ZNF251: variants seen among roughly 807,000 people sequenced by gnomAD.
The protein encoded by ZNF251 is zinc finger protein 251.
A neutral mutation model predicts 13.5 loss-of-function variants in ZNF251; 14 were observed. The observed-to-expected ratio is 1.04, with a 90% CI of 0.69 to 1.63. The LOEUF (loss-of-function observed/expected upper bound fraction) is 1.63. ZNF251 is among the 40% of genes most tolerant of loss of function. ZNF251 has a pLI of 0.00. For missense variants in ZNF251, 764 were observed against 834.9 expected (o/e 0.92, Z 1.05); for synonymous variants, 287 against 295.2 (o/e 0.97, Z 0.28).
intron 4 of ZNF251, among the ~76,000 whole-genome samples, chr8:144,737,105 A>G (rs1359047670): frequency 6.8e-6 from 1 of 148,072 alleles, no homozygotes; most frequent in East Asian, 2.0e-4. Flanking sequence ...CACCCGGCCT[A>G]TTTTATTTTG....
rs1823399701 is a variant in ZNF251 at position 144,722,446 on chromosome 8, T to C, written c.1214A>G (p.Tyr405Cys). 6.2e-7 allele frequency: 1 copy of C among 1,613,978 alleles called. No individual in the cohort carries two copies. Among genetic ancestry groups the C allele is most frequent in the Non-Finnish European group, 8.5e-7 (1 of 1,179,940 alleles). ...GGCTCTGCCGCATTCATTACATACA[T>C]AGGGTTTCTCTCCAGTATGAACCCG... is the stretch of plus-strand genomic sequence containing the variant. ...HHRVHTGEKP[Y>C]VCNECGRAFG... is the part of the protein sequence containing the mutation. Residue 405 changes from tyrosine to cysteine, a missense_variant, in exon 5 of 5, where the codon TAT (tyrosine) becomes TGT (cysteine). By Grantham distance (194) the Tyr-to-Cys change is radical (BLOSUM62 -2). Coordinates refer to ENST00000292562, the MANE Select transcript of ZNF251 (RefSeq NM_138367.2). This position sits in a 1 kb window ranked among gnomAD's most constrained non-coding sequence, Gnocchi z 4.8.
intron 3 of ZNF251, 94 bp downstream of exon 3, chr8:144,754,098 G>A: frequency 6.7e-7 from 1 of 1,498,870 alleles, no homozygotes; most frequent in Non-Finnish European, 9.0e-7. Context: ...ACAAGGGGCA[G>A]GACCCTCTTC....
At chr8:144,752,548 G>C (rs1351861257) in intron 4 of ZNF251, among the ~76,000 whole-genome samples, 2 of 152,168 alleles carry the variant, frequency 1.3e-5, no homozygotes, top group Non-Finnish European at 2.9e-5. Flanking sequence ...GCTGCACTTT[G>C]AGAAAACGAT....
At chr8:144,753,618 G>C (rs765703478) in intron 4 of ZNF251, 65 bp downstream of exon 4, 4 of 1,352,718 alleles carry the variant, frequency 3.0e-6, no homozygotes, top group Non-Finnish European at 4.1e-6. Flanking sequence ...GCTGTCCCTC[G>C]CTTGGAGCCT....
At chr8:144,733,443 A>G (rs769606974) in intron 4 of ZNF251, among the ~76,000 whole-genome samples, 1 of 152,200 alleles carries the variant, frequency 6.6e-6, no homozygotes, top group Non-Finnish European at 1.5e-5. Flanking sequence ...CTTTGACATG[A>G]GCTCCGGCTG....
intron 4 of ZNF251, among the ~76,000 whole-genome samples, chr8:144,724,162 T>C (rs1290946991): frequency 1.4e-5 from 2 of 145,666 alleles, no homozygotes; most frequent in South Asian, 2.1e-4. Flanking sequence ...GAGAATGGCG[T>C]GAACCCAGGA....
intron 1 of ZNF251, 83 bp from the exon 2 acceptor site, chr8:144,754,886 G>T: frequency 6.9e-7 from 1 of 1,456,878 alleles, no homozygotes. Flanking sequence ...GATTGCTGCT[G>T]TGGCCTCCTG....
chr8:144,730,940 G>A (rs112674035), intron 4 of ZNF251, among the ~76,000 whole-genome samples: 4,550 of 152,302 alleles, frequency 0.03, 213 homozygotes, highest in African/African-American at 0.1. Context: ...GACGGTCGTG[G>A]GAACCGCCCC....
chr8:144,752,244 C>G (rs1824734164), intron 4 of ZNF251, among the ~76,000 whole-genome samples: 1 of 151,506 alleles, frequency 6.6e-6, no homozygotes, highest in African/African-American at 2.4e-5. Flanking sequence ...GCAGAATACA[C>G]ATTCTTTTTC....
In ZNF251 at chr8:144,732,673, G is replaced by A. The variant is rs558226896; in HGVS notation, c.278-9291C>T. On this transcript the variant is annotated intron_variant, in intron 4 of 4. Transcript: ENST00000292562. Reference sequence around the variant, plus strand: ...TAAAAATACAAAAAATTAGCTGGGTGTGGTGGCAGGCACTTATAGTCCCAG... The same window carrying A: ...TAAAAATACAAAAAATTAGCTGGGTATGGTGGCAGGCACTTATAGTCCCAG... 1.2e-3 allele frequency among the ~76,000 whole-genome samples: 190 copies of A among 152,202 alleles called. 3 individuals carry two copies. Among genetic ancestry groups the A allele is most frequent in the Admixed American group, 9.2e-4 (14 of 15,280 alleles).
At chr8:144,733,891 A>G (rs1465671436) in intron 4 of ZNF251, among the ~76,000 whole-genome samples, 2 of 152,244 alleles carry the variant, frequency 1.3e-5, no homozygotes, top group African/African-American at 2.4e-5. Context: ...GAGGGAGCGC[A>G]CCCATGCTTA....
At chr8:144,737,876 AC>A (rs1364703109) in intron 4 of ZNF251, among the ~76,000 whole-genome samples, 1 of 145,548 alleles carries the variant, frequency 6.9e-6, no homozygotes, top group Non-Finnish European at 1.5e-5. Context: ...TTATGCTATC[AC>A]CCCACATAAA....
chr8:144,726,613 G>A (rs1313776658), intron 4 of ZNF251, among the ~76,000 whole-genome samples: 1 of 152,136 alleles, frequency 6.6e-6, no homozygotes, highest in Non-Finnish European at 1.5e-5. Context: ...GCTCACGCCT[G>A]TAATCCCAGC....
intron 4 of ZNF251, among the ~76,000 whole-genome samples, chr8:144,743,635 TC>T (rs2130034556): frequency 6.6e-6 from 1 of 152,330 alleles, no homozygotes; most frequent in Non-Finnish European, 1.5e-5. Context: ...TGTAAGACTG[TC>T]GAACTGTCTT....
intron 4 of ZNF251, among the ~76,000 whole-genome samples, chr8:144,726,515 G>T (rs1823521382): frequency 6.6e-6 from 1 of 151,102 alleles, no homozygotes; most frequent in Non-Finnish European, 1.5e-5. Context: ...CAGCCTGGGT[G>T]ACAGAGTGAG....
chr8:144,754,526 C>T (rs886988921), intron 2 of ZNF251, 170 bp downstream of exon 2: 13 of 1,449,720 alleles, frequency 9.0e-6, no homozygotes, highest in Non-Finnish European at 1.2e-5. Flanking sequence ...AGCTCAGAGC[C>T]CCTCTCCCTG....
intron 4 of ZNF251, among the ~76,000 whole-genome samples, chr8:144,743,132 G>T (rs2730064): frequency 3.3e-5 from 5 of 152,236 alleles, no homozygotes; most frequent in South Asian, 2.1e-4. Flanking sequence ...GGCACCATCT[G>T]GGCTCACTGC....
At chr8:144,753,050 A>G (rs1261746588) in intron 4 of ZNF251, among the ~76,000 whole-genome samples, 1 of 152,026 alleles carries the variant, frequency 6.6e-6, no homozygotes, top group East Asian at 1.9e-4. Flanking sequence ...GTCGACATGG[A>G]TCACTTGATC....
intron 4 of ZNF251, among the ~76,000 whole-genome samples, chr8:144,731,713 A>T (rs1057284472): frequency 6.6e-6 from 1 of 151,990 alleles, no homozygotes; most frequent in African/African-American, 2.4e-5. Flanking sequence ...CAGCCTCCTG[A>T]GGAGCTGGGA....
Sources: allele counts gnomAD v4.1 joint callset (sites outside exome capture counted in the v4.1 genomes callset), GRCh38; gene constraint gnomAD v4.1.1; non-coding constraint Gnocchi (gnomAD v3.1); transcripts MANE v1.5; gene names NCBI Gene and HGNC (gene_info 2026-07-23, HGNC 2026-07-21).